Variants in COL11A1 observed in about 807,000 individuals in gnomAD.
COL11A1 encodes collagen type XI alpha 1 chain.
Under a neutral mutation model 265.2 loss-of-function variants are expected in COL11A1, and 74 were observed. The ratio of observed to expected loss-of-function variants is 0.28; its 90% CI spans 0.23 to 0.34. The LOEUF (loss-of-function observed/expected upper bound fraction) is 0.34. Among genes scored for constraint, COL11A1 ranks in the 10% least tolerant of loss-of-function variants. The probability of loss-of-function intolerance (pLI) is 1.00; values close to 1 mark genes in which losing one functional copy is unlikely to be tolerated. For missense variants in COL11A1, 2,165 were observed against 2,263.6 expected (o/e 0.96, Z 0.88); for synonymous variants, 816 against 727.6 (o/e 1.12, Z -1.96).
At position 102,988,424 on chromosome 1, in the gene COL11A1, G is replaced by A. The variant is rs139937195; in HGVS notation, c.2395-684C>T. Among the ~76,000 whole-genome samples, 15 of 152,256 alleles carry A rather than the reference G, an allele frequency of 9.9e-5. No individual in the cohort carries two copies. The East Asian group carries it at 2.9e-3, about 29-fold the overall frequency. On this transcript the variant is annotated intron_variant, in intron 29 of 66. Coordinates refer to ENST00000370096, the MANE Select transcript of COL11A1 (RefSeq NM_001854.4). ...TCCTATTCAGCTAACTGTATGCATA[G>A]AGAAAGAGTTTGCAATTCCCCTGTC...
intron 14 of COL11A1, among the ~76,000 whole-genome samples, chr1:103,010,920 G>A (rs1051106943): frequency 1.3e-5 from 2 of 151,914 alleles, no homozygotes; most frequent in African/African-American, 2.4e-5. Flanking sequence ...GGCTGGTCTC[G>A]AACTCCCAAC....
At chr1:102,884,651 T>C (rs371351445) in intron 63 of COL11A1, 8 of 152,362 alleles carry the variant, frequency 5.3e-5, no homozygotes, top group African/African-American at 1.9e-4. Context: ...AATGTGTGTG[T>C]GGCCCCTCCC....
At chr1:103,054,386 T>A (rs952022172) in intron 4 of COL11A1, among the ~76,000 whole-genome samples, 1 of 152,178 alleles carries the variant, frequency 6.6e-6, no homozygotes, top group Non-Finnish European at 1.5e-5. Flanking sequence ...TATGCTACTC[T>A]AACAAGAGTA....
chr1:103,065,537 AAAAAAAAAAAG>A (rs1229121458), intron 4 of COL11A1, among the ~76,000 whole-genome samples: 3 of 125,118 alleles, frequency 2.4e-5, no homozygotes, highest in African/African-American at 9.8e-5. Flanking sequence ...AAAAAAAAAA[AAAAAAAAAAAG>A]AAAGCAAACA....
rs575074604 is a variant in COL11A1, at chr1:103,103,837, T to A, written c.106+4236A>T. On this transcript the variant is annotated intron_variant, in intron 1 of 66. Coordinates refer to ENST00000370096, the MANE Select transcript of COL11A1 (RefSeq NM_001854.4). ...TTTCCTGAGCTAAAAGGTACTTACA[T>A]TAGTTTCAGGTGTTTTGACAATCCA... 7.9e-5 allele frequency among the ~76,000 whole-genome samples: 12 copies of A among 152,160 alleles called. No homozygotes were observed. In the East Asian group the frequency reaches 2.3e-3, roughly 29 times the overall value.
intron 37 of COL11A1, among the ~76,000 whole-genome samples, chr1:102,966,698 T>TACATATAC (rs1553220132): frequency 9.2e-4 from 18 of 19,494 alleles, no homozygotes; most frequent in Middle Eastern, 0.062. Context: ...TTGTCAGATT[T>TACATATAC]ACATACACAC....
intron 4 of COL11A1, among the ~76,000 whole-genome samples, chr1:103,073,290 T>G (rs575298516): frequency 1.2e-4 from 19 of 152,014 alleles, no homozygotes; most frequent in Admixed American, 9.8e-4. Context: ...ACATTTATGT[T>G]CCTGGAAAAT....
At chr1:103,103,757 GATATCA>G (rs1301571566) in intron 1 of COL11A1, among the ~76,000 whole-genome samples, 1 of 14,710 alleles carries the variant, frequency 6.8e-5, no homozygotes, top group Non-Finnish European at 3.7e-3. Flanking sequence ...TTGCACAACA[GATATCA>G]TGGTAGTCCA....
rs114450408 is a variant in COL11A1, at chr1:103,074,309, C to T, written c.651+309G>A. Among the ~76,000 whole-genome samples the T allele has an allele frequency of 0.014, 2,195 of 152,162 alleles. 43 individuals are homozygous for T. The highest frequency in any genetic ancestry group is 0.05 in the African/African-American group (2,089 of 41,548). ...AATGAAATGAAGAAAATGTTCTTTT[C>T]TGCAAAGAAAATAATACAAACTACT... On this transcript the variant is annotated intron_variant, in intron 4 of 66. Coordinates refer to ENST00000370096, the MANE Select transcript of COL11A1 (RefSeq NM_001854.4).
intron 42 of COL11A1, 92 bp from the exon 43 acceptor site, chr1:102,940,526 G>T: frequency 1.1e-6 from 1 of 928,862 alleles, no homozygotes; most frequent in Non-Finnish European, 1.7e-6. Context: ...CAAGGATATT[G>T]TTTAATGTTT....
chr1:103,084,685 G>A (rs959917699), intron 1 of COL11A1, among the ~76,000 whole-genome samples: 6 of 151,858 alleles, frequency 4.0e-5, no homozygotes, highest in African/African-American at 9.7e-5. Context: ...AGCAAGTCAG[G>A]ACATGAATAA....
At chr1:102,882,319 G>A (rs944629025) in intron 64 of COL11A1, among the ~76,000 whole-genome samples, 1 of 152,148 alleles carries the variant, frequency 6.6e-6, no homozygotes, top group Non-Finnish European at 1.5e-5. Context: ...GGGTATATAA[G>A]TCTTCACAAT....
In COL11A1 at chr1:103,035,332, C is replaced by A. The variant is rs546262028; in HGVS notation, c.652-4088G>T. On this transcript the variant is annotated intron_variant, in intron 4 of 66. Coordinates refer to ENST00000370096, the MANE Select transcript of COL11A1 (RefSeq NM_001854.4). Reference sequence around the variant, plus strand: ...TTGACATTTAATTTCTTATTGCCAACTACCTGTTAATCTTCATCTAGAATG... The same window carrying A: ...TTGACATTTAATTTCTTATTGCCAAATACCTGTTAATCTTCATCTAGAATG... 6.0e-4 allele frequency among the ~76,000 whole-genome samples: 91 copies of A among 152,180 alleles called. 1 individual carries two copies. Among genetic ancestry groups the A allele is most frequent in the Non-Finnish European group, 1.2e-3 (81 of 67,990 alleles).
chr1:102,910,763 T>A (rs757713056), intron 54 of COL11A1, among the ~76,000 whole-genome samples: 5 of 152,016 alleles, frequency 3.3e-5, no homozygotes, highest in Non-Finnish European at 5.9e-5. Context: ...AAATACACAA[T>A]TTGCCCAACG....
intron 63 of COL11A1, among the ~76,000 whole-genome samples, chr1:102,885,220 T>C (rs984042242): frequency 6.6e-6 from 1 of 152,214 alleles, no homozygotes; most frequent in Non-Finnish European, 1.5e-5. Context: ...CTATGTTATG[T>C]TGAACTATAA....
At chr1:103,003,925 G>T (rs1452269006) in intron 20 of COL11A1, among the ~76,000 whole-genome samples, 2 of 152,090 alleles carry the variant, frequency 1.3e-5, no homozygotes, top group African/African-American at 4.8e-5. Flanking sequence ...TGTGGCGCAA[G>T]GTAGAATGCA....
rs145523345 is a variant in COL11A1 at position 102,891,827 on chromosome 1, G to A, written c.4303-1323C>T. 1.7e-3 allele frequency among the ~76,000 whole-genome samples: 258 copies of A among 152,160 alleles called. 2 individuals carry two copies. Among genetic ancestry groups the A allele is most frequent in the African/African-American group, 6.1e-3 (253 of 41,510 alleles). On this transcript the variant is annotated intron_variant, in intron 57 of 66. Transcript: ENST00000370096. Reference sequence around the variant, plus strand: ...GAACCCATGAGTTTGAGGCTTCGGTGAGCTAAGATCACACCACTGCACTCC... The same window carrying A: ...GAACCCATGAGTTTGAGGCTTCGGTAAGCTAAGATCACACCACTGCACTCC...
At chr1:102,888,450 A>G in intron 62 of COL11A1, 127 bp downstream of exon 62, 1 of 822,618 alleles carries the variant, frequency 1.2e-6, no homozygotes, top group South Asian at 1.5e-5. Flanking sequence ...TAAATGATAT[A>G]ATGTTTCCTA....
intron 4 of COL11A1, among the ~76,000 whole-genome samples, chr1:103,053,187 T>C (rs1669967991): frequency 6.6e-6 from 1 of 152,140 alleles, no homozygotes; most frequent in Non-Finnish European, 1.5e-5. Context: ...ACAAGTAGCA[T>C]CCTATATAAA....
Sources: gnomAD v4.1 joint callset for allele counts (sites outside exome capture counted in the v4.1 genomes callset) on GRCh38, gnomAD v4.1.1 for gene constraint, MANE v1.5 for transcripts, NCBI Gene and HGNC (gene_info 2026-07-23, HGNC 2026-07-21) for gene names.